The following IGSF11 variants were observed in gnomAD, a reference collection of about 807,000 sequenced individuals.
IGSF11 encodes the protein immunoglobulin superfamily member 11.
In IGSF11, 22 loss-of-function variants were observed where a neutral mutation model predicts 41.0. The ratio of observed to expected loss-of-function variants is 0.54; its 90% CI spans 0.38 to 0.77. IGSF11 has a LOEUF of 0.77. Among genes scored for constraint, IGSF11 ranks in the 30% least tolerant of loss-of-function variants. The pLI, the probability that IGSF11 is intolerant of heterozygous loss-of-function variation, is 0.00. For synonymous variants in IGSF11, 219 were observed against 201.3 expected (o/e 1.09, Z -0.74); for missense variants, 444 against 530.8 (o/e 0.84, Z 1.61).
chr3:119,065,818 A>G (rs748252599), intron 1 of IGSF11, among the ~76,000 whole-genome samples: 2 of 149,668 alleles, frequency 1.3e-5, no homozygotes, highest in Non-Finnish European at 3.0e-5. Context: ...AAAAAAAGCA[A>G]GAAAGCATTC....
At chr3:118,964,442 A>G (rs1028071106) in intron 1 of IGSF11, among the ~76,000 whole-genome samples, 5 of 152,182 alleles carry the variant, frequency 3.3e-5, no homozygotes, top group African/African-American at 7.2e-5. Flanking sequence ...CCAGTATGTC[A>G]CAGGCTAAGA....
intron 1 of IGSF11, among the ~76,000 whole-genome samples, chr3:119,085,482 G>C (rs1328841834): frequency 6.6e-6 from 1 of 152,180 alleles, no homozygotes; most frequent in Non-Finnish European, 1.5e-5. Context: ...AAAAGCCAGA[G>C]TGTCCCCTTA....
chr3:119,021,726 T>C (rs1305431553), intron 1 of IGSF11, among the ~76,000 whole-genome samples: 1 of 152,072 alleles, frequency 6.6e-6, no homozygotes, highest in African/African-American at 2.4e-5. Context: ...TAAAACAGTA[T>C]AGCTTACAGA....
intron 1 of IGSF11, among the ~76,000 whole-genome samples, chr3:118,938,650 G>A (rs994865914): frequency 1.3e-5 from 2 of 152,134 alleles, no homozygotes; most frequent in African/African-American, 4.8e-5. Context: ...AGTCACTATG[G>A]TTTATGACAT....
chr3:118,950,615 A>C (rs1056344837), intron 1 of IGSF11, among the ~76,000 whole-genome samples: 1 of 151,958 alleles, frequency 6.6e-6, no homozygotes, highest in Non-Finnish European at 1.5e-5. Flanking sequence ...AGCTATTAAT[A>C]ATGTATCTAT....
intron 4 of IGSF11, among the ~76,000 whole-genome samples, chr3:118,911,941 C>T (rs1475068088): frequency 6.6e-6 from 1 of 152,108 alleles, no homozygotes; most frequent in Non-Finnish European, 1.5e-5. Flanking sequence ...ACAGAGTTCA[C>T]AGGCAAGCAC....
At chr3:119,114,308 T>C (rs1179454779) in intron 1 of IGSF11, among the ~76,000 whole-genome samples, 1 of 152,238 alleles carries the variant, frequency 6.6e-6, no homozygotes, top group Admixed American at 6.5e-5. Flanking sequence ...ACTTTTATAC[T>C]CTGTTACCCT....
intron 1 of IGSF11, among the ~76,000 whole-genome samples, chr3:119,072,805 T>C (rs552491736): frequency 6.0e-4 from 92 of 152,260 alleles, no homozygotes; most frequent in East Asian, 1.2e-3. Flanking sequence ...GCTTCCACAG[T>C]GTGGAAGGGG....
At chr3:119,066,970 T>A (rs1942251567) in intron 1 of IGSF11, among the ~76,000 whole-genome samples, 1 of 152,186 alleles carries the variant, frequency 6.6e-6, no homozygotes, top group African/African-American at 2.4e-5. Context: ...ATTTTCCAAA[T>A]ATATTAATCA....
At chr3:119,005,000 T>A (rs1439034676) in intron 1 of IGSF11, among the ~76,000 whole-genome samples, 2 of 150,616 alleles carry the variant, frequency 1.3e-5, no homozygotes, top group East Asian at 3.9e-4. Context: ...AGAGCTGAGT[T>A]CAATTCCTGG....
At chr3:118,925,305 T>C (rs895297587) in intron 4 of IGSF11, among the ~76,000 whole-genome samples, 6 of 152,182 alleles carry the variant, frequency 3.9e-5, no homozygotes, top group African/African-American at 1.4e-4. Flanking sequence ...CAAGGCATAA[T>C]TAAGGTTGTT....
intron 1 of IGSF11, among the ~76,000 whole-genome samples, chr3:118,984,698 A>G (rs1576555652): frequency 6.6e-6 from 1 of 152,318 alleles, no homozygotes; most frequent in South Asian, 2.1e-4. Flanking sequence ...AAAAATATGT[A>G]TAGAAAGTAA....
chr3:119,010,539 AAAC>A (rs1277917733), intron 1 of IGSF11, among the ~76,000 whole-genome samples: 4 of 152,176 alleles, frequency 2.6e-5, no homozygotes, highest in Non-Finnish European at 4.4e-5. Flanking sequence ...GCCGAAATAA[AAAC>A]AAAAGGCAGA....
At chr3:119,015,987 A>T (rs1285868013) in intron 1 of IGSF11, among the ~76,000 whole-genome samples, 5 of 152,216 alleles carry the variant, frequency 3.3e-5, no homozygotes, top group Admixed American at 3.3e-4. Flanking sequence ...ATGGGGGTGC[A>T]GGTGCAAAAC....
At chr3:119,142,910 G>A (rs2077668902) in intron 1 of IGSF11, among the ~76,000 whole-genome samples, 1 of 152,100 alleles carries the variant, frequency 6.6e-6, no homozygotes, top group African/African-American at 2.4e-5. Context: ...CAATTTCTCA[G>A]CAGAATTCAT....
upstream of IGSF11, among the ~76,000 whole-genome samples, chr3:119,035,604 T>C (rs972856094): frequency 1.3e-5 from 2 of 152,194 alleles, no homozygotes; most frequent in Admixed American, 1.3e-4. Context: ...TAATCGTTGT[T>C]TAGTTGGGTT....
At chr3:118,997,023 C>T (rs1206232788) in intron 1 of IGSF11, among the ~76,000 whole-genome samples, 2 of 152,166 alleles carry the variant, frequency 1.3e-5, no homozygotes, top group Admixed American at 6.5e-5. Context: ...AGTTTTATTT[C>T]AGGATTCTTG....
intron 1 of IGSF11, among the ~76,000 whole-genome samples, chr3:119,090,596 C>G (rs2076747185): frequency 6.6e-6 from 1 of 152,178 alleles, no homozygotes. Flanking sequence ...CTCCAACCAT[C>G]TAATCTTTGA....
chr3:118,966,721 T>C (rs1270162612), intron 1 of IGSF11, among the ~76,000 whole-genome samples: 1 of 152,232 alleles, frequency 6.6e-6, no homozygotes, highest in Non-Finnish European at 1.5e-5. Flanking sequence ...ATCACTTTAA[T>C]AAGGGTTAGG....
Sources: allele counts gnomAD v4.1 joint callset (sites outside exome capture counted in the v4.1 genomes callset), GRCh38; gene constraint gnomAD v4.1.1; transcripts MANE v1.5; gene names NCBI Gene and HGNC (gene_info 2026-07-23, HGNC 2026-07-21).